KCTD9: variants seen among roughly 807,000 people sequenced by gnomAD.
The protein encoded by KCTD9 is BTB/POZ domain-containing protein KCTD9.
In KCTD9, 17 loss-of-function variants were observed where a neutral mutation model predicts 53.3. That is an observed-to-expected ratio of 0.32 (90% CI 0.22 to 0.48). The LOEUF (loss-of-function observed/expected upper bound fraction) is 0.48, where lower values mean the gene tolerates loss of function less well. KCTD9 is among the 20% of genes least tolerant of loss of function. The probability of loss-of-function intolerance (pLI) is 0.99; values close to 1 mark genes in which losing one functional copy is unlikely to be tolerated. For synonymous variants in KCTD9, 128 were observed against 162.7 expected (o/e 0.79, Z 1.62); for missense variants, 179 against 465.5 (o/e 0.38, Z 5.66).
chr8:25,432,410 C>G, intron 11 of KCTD9, 94 bp downstream of exon 11: 2 of 1,093,566 alleles, frequency 1.8e-6, no homozygotes, highest in Non-Finnish European at 2.7e-6. Context: ...CCAGTTTTAC[C>G]AGCCAACTAC....
chr8:25,443,522 A>G (rs1175824016), intron 3 of KCTD9, among the ~76,000 whole-genome samples: 1 of 152,188 alleles, frequency 6.6e-6, no homozygotes, highest in African/African-American at 2.4e-5. Flanking sequence ...CAGTGGACCA[A>G]TTAAGTGACC....
Position 25,454,816 on chromosome 8 carries a change from G to A in KCTD9, c.48+3383C>T, listed in dbSNP as rs534898069. On this transcript the variant is annotated intron_variant, in intron 1 of 11. Coordinates refer to ENST00000221200, the MANE Select transcript of KCTD9 (RefSeq NM_017634.4). ...TACATTCCACTGTTAGAAAGTACATGTTTTCCCAAATGATGAGGACTTTCA... is the reference window on the plus strand; with the variant it reads ...TACATTCCACTGTTAGAAAGTACATATTTTCCCAAATGATGAGGACTTTCA... 2.1e-3 allele frequency among the ~76,000 whole-genome samples: 319 copies of A among 152,284 alleles called. 1 individual carries two copies. The highest frequency in any genetic ancestry group is 0.013 in the South Asian group (65 of 4,830).
At position 25,432,493 on chromosome 8, in the gene KCTD9, G is replaced by A; in HGVS notation, c.1053+11C>T. On this transcript the variant is annotated intron_variant, in intron 11 of 11. Transcript: ENST00000221200. ...GAGTAATAAAAATTCTTAAAGTGTT[G>A]GTGAACTCACCTCTAAATCAGTTCC... The A allele has an allele frequency of 1.9e-6, 3 of 1,608,704 alleles. No individual in the cohort carries two copies. Among genetic ancestry groups the A allele is most frequent in the South Asian group, 1.1e-5 (1 of 90,472 alleles).
Position 25,428,618 on chromosome 8 carries a change from G to A in KCTD9, c.*1239C>T, listed in dbSNP as rs1480689219. 2.0e-5 allele frequency: 3 copies of A among 151,798 alleles called. No individual in the cohort carries two copies. Among genetic ancestry groups the A allele is most frequent in the African/African-American group, 7.3e-5 (3 of 41,124 alleles). The allele number at this position is 151,798 out of a possible 1,614,324, so 9.4% of individuals were successfully genotyped here. A position where few individuals can be genotyped will look rare whatever the true frequency, so the allele number is the denominator to read the frequency against. On this transcript the variant is annotated 3_prime_UTR_variant, in exon 12 of 12. Transcript: ENST00000221200. ...CAGGCCCTTCCTCTGCTGCTGCAGA[G>A]AGAGAATGACTCAAGAAAATTGGGC...
chr8:25,447,465 T>G (rs1802235295), intron 1 of KCTD9, among the ~76,000 whole-genome samples: 1 of 152,178 alleles, frequency 6.6e-6, no homozygotes, highest in South Asian at 2.1e-4. Context: ...GTCCCAAGAT[T>G]TATTATGTCA....
chr8:25,448,815 T>C (rs1296121922), intron 1 of KCTD9, among the ~76,000 whole-genome samples: 3 of 151,702 alleles, frequency 2.0e-5, no homozygotes, highest in African/African-American at 7.3e-5. Context: ...CTTGGGAGGC[T>C]GAGGCAGGAG....
chr8:25,439,569 G>A (rs937792954), intron 5 of KCTD9, 37 bp downstream of exon 5: 1 of 1,607,706 alleles, frequency 6.2e-7, no homozygotes, highest in South Asian at 1.1e-5. Context: ...ATATAAAACA[G>A]GTAAGATGAA....
chr8:25,457,799 T>G (rs1375298197), intron 1 of KCTD9: 1 of 165,900 alleles, frequency 6.0e-6, no homozygotes, highest in Non-Finnish European at 1.3e-5. Context: ...AGATCATTAC[T>G]CAGCACCGGA....
Position 25,456,977 on chromosome 8 carries a change from G to C in KCTD9, c.48+1222C>G, listed in dbSNP as rs560484807. On this transcript the variant is annotated intron_variant, in intron 1 of 11. Coordinates refer to ENST00000221200, the MANE Select transcript of KCTD9 (RefSeq NM_017634.4). The stretch of plus-strand genomic sequence containing the variant: ...AGTAGCTAAGTACAGAACAGGTTTA[G>C]AAAAAGTTAATAGTGATGAGAAATG... Among the ~76,000 whole-genome samples, 467 of 152,302 alleles carry C rather than the reference G, an allele frequency of 3.1e-3. 1 individual carries two copies. The highest frequency in any genetic ancestry group is 5.4e-3 in the Non-Finnish European group (369 of 68,026).
chr8:25,429,602 A>G lies in KCTD9; in HGVS notation c.*255T>C. The G allele has an allele frequency of 2.8e-6, 1 of 353,492 alleles. No individual in the cohort carries two copies. The highest frequency in any genetic ancestry group is 3.2e-5 in the South Asian group (1 of 31,536). 21.9% of individuals were successfully genotyped at this position (353,492 alleles called of 1,614,324 possible). ...GTCATAAAACCAGGTAAACCCCCCT[A>G]CCCCATTCAAAAGGCAGCAATATCT... On this transcript the variant is annotated 3_prime_UTR_variant, in exon 12 of 12. Coordinates refer to ENST00000221200, the MANE Select transcript of KCTD9 (RefSeq NM_017634.4).
chr8:25,458,105 C>G, intron 1 of KCTD9, 94 bp downstream of exon 1: 1 of 1,289,406 alleles, frequency 7.8e-7, no homozygotes, highest in Non-Finnish European at 1.1e-6. Flanking sequence ...CCCAGCCCCT[C>G]TACCCAACTT....
chr8:25,445,964 T>G, intron 2 of KCTD9, 165 bp downstream of exon 2: 1 of 751,162 alleles, frequency 1.3e-6, no homozygotes, highest in Non-Finnish European at 2.1e-6. Flanking sequence ...AGCTGATCAA[T>G]TCACCTTAAG....
intron 5 of KCTD9, 92 bp from the exon 6 acceptor site, chr8:25,439,499 C>CTTT: frequency 2.6e-6 from 4 of 1,550,502 alleles, no homozygotes; most frequent in Non-Finnish European, 3.5e-6. Context: ...TAAGTTTTTA[C>CTTT]TCTTAAAAAC....
In KCTD9 at chr8:25,436,385, A is replaced by G. The variant is rs1423998388; in HGVS notation, c.567+33T>C. ...GTCTTTTGGGAGATAGCTACAATGAATGTAACACTGGCTAATGTAAAAACA... is the reference window on the plus strand; with the variant it reads ...GTCTTTTGGGAGATAGCTACAATGAGTGTAACACTGGCTAATGTAAAAACA... On this transcript the variant is annotated intron_variant, in intron 7 of 11. Transcript: ENST00000221200. 1.9e-6 allele frequency: 3 copies of G among 1,598,018 alleles called. No individual in the cohort carries two copies. The South Asian group carries it at 3.3e-5, about 18-fold the overall frequency.
intron 9 of KCTD9, 82 bp from the exon 10 acceptor site, chr8:25,433,517 G>T (rs1484171473): frequency 1.7e-6 from 1 of 596,760 alleles, no homozygotes; most frequent in African/African-American, 1.9e-5. Flanking sequence ...AAAAAAAATA[G>T]AAAAGAGGGA....
intron 6 of KCTD9, among the ~76,000 whole-genome samples, chr8:25,437,380 G>C (rs1017271221): frequency 6.6e-6 from 1 of 152,044 alleles, no homozygotes; most frequent in Non-Finnish European, 1.5e-5. Flanking sequence ...ATCCAGAGAA[G>C]CCATAGAAAT....
rs1475816320 is a variant in KCTD9 at position 25,428,864 on chromosome 8, T to A, written c.*993A>T. On this transcript the variant is annotated 3_prime_UTR_variant, in exon 12 of 12. Coordinates refer to ENST00000221200, the MANE Select transcript of KCTD9 (RefSeq NM_017634.4). ...CCTTTTAGCAGGCAACTCTACCATATTCACTCATATAAGCTTTGATTGCAG... is the reference window on the plus strand; with the variant it reads ...CCTTTTAGCAGGCAACTCTACCATAATCACTCATATAAGCTTTGATTGCAG... 3 of 152,196 alleles carry A rather than the reference T, an allele frequency of 2.0e-5. No individual in the cohort carries two copies. The highest frequency in any genetic ancestry group is 1.5e-5 in the Non-Finnish European group (1 of 68,028). 9.4% of individuals were successfully genotyped at this position (152,196 alleles called of 1,614,324 possible). A position where few individuals can be genotyped will look rare whatever the true frequency, so the allele number is the denominator to read the frequency against.
chr8:25,453,753 G>A (rs17053711), intron 1 of KCTD9, among the ~76,000 whole-genome samples: 35,676 of 151,984 alleles, frequency 0.23, 4,685 homozygotes, highest in East Asian at 0.55. Flanking sequence ...GTACAGGAAC[G>A]TGGATAAACA....
chr8:25,445,519 C>A (rs1802200017), intron 2 of KCTD9, among the ~76,000 whole-genome samples: 1 of 152,114 alleles, frequency 6.6e-6, no homozygotes, highest in Non-Finnish European at 1.5e-5. Flanking sequence ...ATAGTCAATA[C>A]TTAATTTGTG....
Sources: allele counts gnomAD v4.1 joint callset (sites outside exome capture counted in the v4.1 genomes callset), GRCh38; gene constraint gnomAD v4.1.1; transcripts MANE v1.5; gene names NCBI Gene and HGNC (gene_info 2026-07-23, HGNC 2026-07-21).